Variants in STK39 observed in about 807,000 individuals in gnomAD.
STK39 encodes serine/threonine kinase 39.
In STK39, 20 loss-of-function variants were observed where a neutral mutation model predicts 77.8. The observed-to-expected ratio is 0.26, with a 90% CI of 0.18 to 0.37. STK39 has a LOEUF of 0.37. Ranked by LOEUF, STK39 falls within the 10% of genes least tolerant of loss-of-function variation. The probability of loss-of-function intolerance (pLI) is 1.00; values close to 1 mark genes in which losing one functional copy is unlikely to be tolerated. For synonymous variants in STK39, 246 were observed against 234.1 expected (o/e 1.05, Z -0.47); for missense variants, 479 against 656.5 (o/e 0.73, Z 2.95).
chr2:167,990,256 G>A (rs572524193), intron 16 of STK39, among the ~76,000 whole-genome samples: 3 of 152,292 alleles, frequency 2.0e-5, no homozygotes, highest in South Asian at 2.1e-4. Flanking sequence ...AATGAAGGGC[G>A]CTGTTCACAA....
rs1242767354 is a variant in STK39 at position 168,079,083 on chromosome 2, G to T, written c.1090-3852C>A. 2.6e-5 allele frequency among the ~76,000 whole-genome samples: 4 copies of T among 152,186 alleles called. No individual in the cohort carries two copies. In the South Asian group the frequency reaches 8.3e-4, roughly 32 times the overall value. On this transcript the variant is annotated intron_variant, in intron 10 of 17. Coordinates refer to ENST00000355999, the MANE Select transcript of STK39 (RefSeq NM_013233.3). The stretch of plus-strand genomic sequence containing the variant: ...CTGTTTATCATGTACTTGAGGCACT[G>T]CCAAGCAGACAAAAAGCCTTCTAAA...
intron 16 of STK39, among the ~76,000 whole-genome samples, chr2:167,965,311 A>G (rs1692125494): frequency 6.6e-6 from 1 of 152,202 alleles, no homozygotes; most frequent in Non-Finnish European, 1.5e-5. Flanking sequence ...CTGTCAAACC[A>G]GGGAAGTGCC....
Position 168,075,084 on chromosome 2 carries a change from G to T in STK39, c.1212+25C>A, listed in dbSNP as rs944222195. ...ACAAAAATAAAATTTACACAGATTA[G>T]CTCATCGTCAACGATGTCATTTACC... On this transcript the variant is annotated intron_variant, in intron 11 of 17. Transcript: ENST00000355999. 5 of 1,613,958 alleles carry T rather than the reference G, an allele frequency of 3.1e-6. No homozygotes were observed. The African/African-American group carries it at 4.0e-5, about 13-fold the overall frequency.
At chr2:168,012,828 C>A in intron 15 of STK39, 126 bp from the exon 16 acceptor site, 1 of 620,332 alleles carries the variant, frequency 1.6e-6, no homozygotes. Context: ...ACAATTCAGA[C>A]TCTATCAGGA....
intron 17 of STK39, chr2:167,964,341 C>T (rs1692086672): frequency 4.0e-6 from 1 of 247,666 alleles, no homozygotes; most frequent in Admixed American, 5.9e-5. Context: ...GCTTTGAATT[C>T]AGTGTAATTT....
intron 1 of STK39, among the ~76,000 whole-genome samples, chr2:168,217,049 G>T (rs1211826196): frequency 6.6e-6 from 1 of 152,148 alleles, no homozygotes; most frequent in Non-Finnish European, 1.5e-5. Flanking sequence ...GACCTGCCAG[G>T]GTTGTATTTC....
At chr2:168,050,753 G>A (rs1190031976) in intron 14 of STK39, among the ~76,000 whole-genome samples, 1 of 152,148 alleles carries the variant, frequency 6.6e-6, no homozygotes, top group East Asian at 1.9e-4. Flanking sequence ...CCTACAGACT[G>A]GAATACAATA....
At chr2:168,185,612 A>G (rs1442865209) in intron 1 of STK39, among the ~76,000 whole-genome samples, 1 of 152,226 alleles carries the variant, frequency 6.6e-6, no homozygotes, top group Non-Finnish European at 1.5e-5. Flanking sequence ...ATGGAAATAT[A>G]ATTTAGTATT....
chr2:167,999,938 CT>C (rs1683958441), intron 16 of STK39, among the ~76,000 whole-genome samples: 1 of 152,194 alleles, frequency 6.6e-6, no homozygotes, highest in South Asian at 2.1e-4. Flanking sequence ...CTTGTGGGCA[CT>C]GGTGTCCTCA....
chr2:168,027,611 T>C (rs2044677), intron 14 of STK39, among the ~76,000 whole-genome samples: 78,602 of 152,088 alleles, frequency 0.52, 20,847 homozygotes, highest in Admixed American at 0.57. Context: ...CACACGTACA[T>C]GCACACGTGT....
chr2:167,980,882 T>C (rs999961333), intron 16 of STK39, among the ~76,000 whole-genome samples: 5 of 152,010 alleles, frequency 3.3e-5, no homozygotes, highest in African/African-American at 1.2e-4. Context: ...CTTCATTTCT[T>C]CTTCTTCTTT....
At chr2:168,064,683 G>A (rs1685749387) in intron 13 of STK39, among the ~76,000 whole-genome samples, 1 of 152,168 alleles carries the variant, frequency 6.6e-6, no homozygotes, top group East Asian at 1.9e-4. Context: ...CCTGACAGTG[G>A]TGACGCTTTA....
intron 1 of STK39, among the ~76,000 whole-genome samples, chr2:168,230,491 C>A (rs1263322328): frequency 6.6e-6 from 1 of 152,188 alleles, no homozygotes; most frequent in Non-Finnish European, 1.5e-5. Flanking sequence ...AGAGCCCCAG[C>A]CAAGCTGACC....
chr2:168,186,820 C>T (rs896921244), intron 1 of STK39, among the ~76,000 whole-genome samples: 1 of 152,130 alleles, frequency 6.6e-6, no homozygotes, highest in Non-Finnish European at 1.5e-5. Flanking sequence ...GGCAAAGTGG[C>T]TCAGGGTCAG....
chr2:168,079,216 C>T (rs752302985), intron 10 of STK39, among the ~76,000 whole-genome samples: 6 of 152,204 alleles, frequency 3.9e-5, no homozygotes, highest in East Asian at 1.9e-4. Flanking sequence ...CCACCTCTCT[C>T]GGCACCTCCA....
chr2:168,102,522 C>A (rs996600913), intron 10 of STK39, among the ~76,000 whole-genome samples: 2 of 152,192 alleles, frequency 1.3e-5, no homozygotes, highest in East Asian at 1.9e-4. Context: ...CTCTCCAGAG[C>A]CCATTTCAAT....
At chr2:168,099,971 G>A (rs1387188342) in intron 10 of STK39, among the ~76,000 whole-genome samples, 1 of 152,162 alleles carries the variant, frequency 6.6e-6, no homozygotes, top group Admixed American at 6.5e-5. Context: ...CCTATTTCAA[G>A]TGGAACAATT....
intron 16 of STK39, among the ~76,000 whole-genome samples, chr2:167,968,589 T>A (rs571370515): frequency 2.6e-5 from 4 of 152,120 alleles, no homozygotes; most frequent in Non-Finnish European, 5.9e-5. Flanking sequence ...CTACTTCCAA[T>A]AGTAAGAAAT....
intron 10 of STK39, among the ~76,000 whole-genome samples, chr2:168,085,714 C>T (rs1015912135): frequency 6.6e-6 from 1 of 152,164 alleles, no homozygotes; most frequent in African/African-American, 2.4e-5. Context: ...CAAAGATGCC[C>T]ATGACAATAT....
Sources: allele counts gnomAD v4.1 joint callset (sites outside exome capture counted in the v4.1 genomes callset), GRCh38; gene constraint gnomAD v4.1.1; transcripts MANE v1.5; gene names NCBI Gene and HGNC (gene_info 2026-07-23, HGNC 2026-07-21).